Variants in CNTNAP2 observed in about 807,000 individuals in gnomAD.
The protein encoded by CNTNAP2 is contactin-associated protein-like 2.
A neutral mutation model predicts 155.2 loss-of-function variants in CNTNAP2; 98 were observed. That is an observed-to-expected ratio of 0.63 (90% confidence interval 0.54 to 0.75). The LOEUF (loss-of-function observed/expected upper bound fraction) is 0.75. CNTNAP2 is among the 30% of genes least tolerant of loss of function. The pLI is 0.00. For synonymous variants in CNTNAP2, 651 were observed against 631.2 expected (o/e 1.03, Z -0.47); for missense variants, 1,727 against 1,688.1 (o/e 1.02, Z -0.40).
At chr7:147,603,742 A>G (rs1207013514) in intron 12 of CNTNAP2, among the ~76,000 whole-genome samples, 1 of 152,164 alleles carries the variant, frequency 6.6e-6, no homozygotes, top group Non-Finnish European at 1.5e-5. Flanking sequence ...ATATGGAACC[A>G]AAAAAGAGCC....
intron 1 of CNTNAP2, among the ~76,000 whole-genome samples, chr7:146,762,455 C>T (rs1042655004): frequency 6.6e-6 from 1 of 151,916 alleles, no homozygotes. Context: ...AAAAATTAGC[C>T]GGACGTGGTG....
At chr7:146,312,826 T>C (rs1232620532) in intron 1 of CNTNAP2, among the ~76,000 whole-genome samples, 3 of 152,230 alleles carry the variant, frequency 2.0e-5, no homozygotes, top group African/African-American at 7.2e-5. Context: ...TTTCTGTGTT[T>C]AGCTTATTTC....
intron 8 of CNTNAP2, among the ~76,000 whole-genome samples, chr7:147,225,792 AAG>A (rs1803513699): frequency 1.6e-5 from 2 of 128,040 alleles, no homozygotes; most frequent in Non-Finnish European, 3.5e-5. Context: ...GGAAGGAAGG[AAG>A]GAAGGAAAGA....
chr7:147,225,224 T>C (rs1429191921), intron 8 of CNTNAP2, among the ~76,000 whole-genome samples: 4 of 152,206 alleles, frequency 2.6e-5, no homozygotes, highest in Non-Finnish European at 5.9e-5. Context: ...AATTACAAAT[T>C]CAATTATCAG....
At chr7:147,562,009 G>A in intron 11 of CNTNAP2, 129 bp from the exon 12 acceptor site, 1 of 1,219,060 alleles carries the variant, frequency 8.2e-7, no homozygotes, top group East Asian at 2.4e-5. Flanking sequence ...TAGAGACAAA[G>A]AACGCTCTTT....
At chr7:148,209,328 C>T (rs1323030987) in intron 18 of CNTNAP2, among the ~76,000 whole-genome samples, 1 of 148,924 alleles carries the variant, frequency 6.7e-6, no homozygotes, top group Non-Finnish European at 1.5e-5. Context: ...GCGACAGGGT[C>T]CCCCTATGTT....
Position 148,189,727 on chromosome 7 carries a change from A to G in CNTNAP2, c.3010+17249A>G, listed in dbSNP as rs148721351. On this transcript the variant is annotated intron_variant, in intron 18 of 23. Coordinates refer to ENST00000361727, the MANE Select transcript of CNTNAP2 (RefSeq NM_014141.6). ...TATTATAGCAGCACAAAATGGACTG[A>G]GACAGGCTGCTATAGCGGACTGCCA... 1.9e-3 allele frequency among the ~76,000 whole-genome samples: 286 copies of G among 152,356 alleles called. 2 individuals carry two copies. Among genetic ancestry groups the G allele is most frequent in the African/African-American group, 6.6e-3 (274 of 41,578 alleles).
chr7:146,940,881 C>G (rs1333199010), intron 3 of CNTNAP2, among the ~76,000 whole-genome samples: 1 of 151,856 alleles, frequency 6.6e-6, no homozygotes, highest in African/African-American at 2.4e-5. Flanking sequence ...TATTATCTTG[C>G]TAAATGGGCC....
chr7:147,242,723 A>G (rs1803964813), intron 8 of CNTNAP2, among the ~76,000 whole-genome samples: 1 of 152,112 alleles, frequency 6.6e-6, no homozygotes, highest in Admixed American at 6.5e-5. Context: ...ATTTGGAACT[A>G]TTTAAAAATA....
At chr7:148,163,101 T>G (rs926857435) in intron 17 of CNTNAP2, among the ~76,000 whole-genome samples, 1 of 152,206 alleles carries the variant, frequency 6.6e-6, no homozygotes. Flanking sequence ...TACAACAATG[T>G]CTAGAAGCAT....
chr7:147,738,955 A>T (rs576325534), intron 13 of CNTNAP2, among the ~76,000 whole-genome samples: 1 of 152,198 alleles, frequency 6.6e-6, no homozygotes, highest in East Asian at 1.9e-4. Context: ...GCGCCCGGGC[A>T]AAACAAAACT....
intron 1 of CNTNAP2, among the ~76,000 whole-genome samples, chr7:146,418,688 C>T (rs906745792): frequency 6.6e-6 from 1 of 152,016 alleles, no homozygotes; most frequent in African/African-American, 2.4e-5. Flanking sequence ...CCCAGGAAAC[C>T]AATGTTATAT....
At chr7:147,144,395 C>A (rs544454114) in intron 8 of CNTNAP2, among the ~76,000 whole-genome samples, 2 of 152,194 alleles carry the variant, frequency 1.3e-5, no homozygotes, top group African/African-American at 4.8e-5. Flanking sequence ...ACATACTACA[C>A]TTCCAGCACA....
intron 1 of CNTNAP2, among the ~76,000 whole-genome samples, chr7:146,673,404 A>G (rs1367845850): frequency 6.6e-6 from 1 of 152,210 alleles, no homozygotes; most frequent in African/African-American, 2.4e-5. Flanking sequence ...TAGTTATGCC[A>G]GAAACGAAAC....
intron 3 of CNTNAP2, among the ~76,000 whole-genome samples, chr7:146,899,763 C>G (rs376321000): frequency 4.5e-4 from 68 of 152,236 alleles, no homozygotes; most frequent in Middle Eastern, 3.4e-3. Context: ...CTGGAGGACC[C>G]AAAGTTAGCT....
intron 16 of CNTNAP2, among the ~76,000 whole-genome samples, chr7:148,123,732 G>GAAGA (rs570606654): frequency 6.8e-6 from 1 of 147,166 alleles, no homozygotes; most frequent in Non-Finnish European, 1.5e-5. Flanking sequence ...AAAGAAAAAG[G>GAAGA]AAGAAAGAAA....
intron 1 of CNTNAP2, among the ~76,000 whole-genome samples, chr7:146,698,775 G>A (rs10952658): frequency 0.64 from 96,349 of 151,676 alleles, 35,250 homozygotes; most frequent in South Asian, 0.87. Flanking sequence ...TACACATTTC[G>A]TAACACTCAT....
chr7:147,621,095 A>C (rs1190476137), intron 12 of CNTNAP2, among the ~76,000 whole-genome samples: 1 of 152,290 alleles, frequency 6.6e-6, no homozygotes, highest in East Asian at 1.9e-4. Flanking sequence ...ACGGTGCTGA[A>C]AGAAAAAAAC....
intron 12 of CNTNAP2, among the ~76,000 whole-genome samples, chr7:147,630,440 A>G (rs1413248681): frequency 6.6e-6 from 1 of 152,092 alleles, no homozygotes; most frequent in Non-Finnish European, 1.5e-5. Flanking sequence ...TCCAAAAGAC[A>G]GAGAAGGAGG....
Sources: allele counts gnomAD v4.1 joint callset (sites outside exome capture counted in the v4.1 genomes callset), GRCh38; gene constraint gnomAD v4.1.1; transcripts MANE v1.5; gene names NCBI Gene and HGNC (gene_info 2026-07-23, HGNC 2026-07-21).